The following PRCP variants were observed in gnomAD, a reference collection of about 807,000 sequenced individuals.
PRCP encodes lysosomal Pro-X carboxypeptidase.
A neutral mutation model predicts 54.2 loss-of-function variants in PRCP; 46 were observed. The ratio of observed to expected loss-of-function variants is 0.85; its 90% CI spans 0.67 to 1.09. The LOEUF (loss-of-function observed/expected upper bound fraction) is 1.09. PRCP is among the 50% of genes least tolerant of loss of function. The probability of loss-of-function intolerance (pLI) is 0.00; values close to 1 mark genes in which losing one functional copy is unlikely to be tolerated. For missense variants in PRCP, 613 were observed against 596.8 expected (o/e 1.03, Z -0.28); for synonymous variants, 240 against 212.2 (o/e 1.13, Z -1.14).
intron 1 of PRCP, among the ~76,000 whole-genome samples, chr11:82,864,257 G>A (rs969409185): frequency 1.3e-5 from 2 of 152,186 alleles, no homozygotes; most frequent in African/African-American, 2.4e-5. Flanking sequence ...GTAGTGAAAT[G>A]TTCTTTGCAC....
chr11:82,887,813 G>A (rs574394632), intron 1 of PRCP, among the ~76,000 whole-genome samples: 1 of 152,182 alleles, frequency 6.6e-6, no homozygotes, highest in Non-Finnish European at 1.5e-5. Flanking sequence ...TTGATCTTAA[G>A]ACCGTCATTC....
chr11:82,893,623 C>T (rs998100970), intron 1 of PRCP, among the ~76,000 whole-genome samples: 46 of 152,046 alleles, frequency 3.0e-4, no homozygotes, highest in African/African-American at 1.1e-3. Context: ...GAGATCCCAT[C>T]TCTACAAAAA....
At chr11:82,874,202 T>A (rs2121219086) in intron 1 of PRCP, among the ~76,000 whole-genome samples, 1 of 152,322 alleles carries the variant, frequency 6.6e-6, no homozygotes, top group Non-Finnish European at 1.5e-5. Context: ...CGACACCAGA[T>A]AATCAACAAC....
chr11:82,871,177 CTTTTTTTTT>C (rs146234682), intron 1 of PRCP, among the ~76,000 whole-genome samples: 2 of 117,410 alleles, frequency 1.7e-5, no homozygotes, highest in African/African-American at 3.1e-5. Flanking sequence ...AAATGTTTCT[CTTTTTTTTT>C]TTTTTTTTTT....
At chr11:82,871,350 T>C (rs1328851935) in intron 1 of PRCP, among the ~76,000 whole-genome samples, 1 of 152,146 alleles carries the variant, frequency 6.6e-6, no homozygotes, top group Middle Eastern at 3.2e-3. Flanking sequence ...TGCTACTTTT[T>C]GTATTTTTAG....
At chr11:82,848,009 C>A (rs1361493039) in intron 6 of PRCP, among the ~76,000 whole-genome samples, 6 of 152,198 alleles carry the variant, frequency 3.9e-5, no homozygotes, top group Non-Finnish European at 8.8e-5. Flanking sequence ...ATGCAATACA[C>A]TCACTGGTCA....
chr11:82,893,852 C>T (rs1175513358), intron 1 of PRCP, among the ~76,000 whole-genome samples: 2 of 152,066 alleles, frequency 1.3e-5, no homozygotes, highest in Non-Finnish European at 1.5e-5. Flanking sequence ...TAGCATCTAC[C>T]TCATAGAACA....
At chr11:82,835,850 G>A in intron 8 of PRCP, 1 of 497,864 alleles carries the variant, frequency 2.0e-6, no homozygotes, top group South Asian at 1.5e-5. Context: ...CATTATGCTT[G>A]GCAATAAAAA....
At chr11:82,890,058 C>T (rs909597917) in intron 1 of PRCP, among the ~76,000 whole-genome samples, 1 of 151,922 alleles carries the variant, frequency 6.6e-6, no homozygotes, top group South Asian at 2.1e-4. Context: ...TTTGTTCTCA[C>T]TTGGCAAAAG....
At chr11:82,842,846 T>C (rs528449800) in intron 6 of PRCP, among the ~76,000 whole-genome samples, 35 of 152,212 alleles carry the variant, frequency 2.3e-4, no homozygotes, top group Non-Finnish European at 3.5e-4. Context: ...CCTTTCTAAC[T>C]CAAAGATTTT....
chr11:82,896,210 G>A (rs1458700610), intron 1 of PRCP, among the ~76,000 whole-genome samples: 3 of 152,104 alleles, frequency 2.0e-5, no homozygotes, highest in Non-Finnish European at 4.4e-5. Context: ...CAACAACCTT[G>A]GTGGATGTGA....
chr11:82,847,612 C>T (rs1858838277), intron 6 of PRCP, among the ~76,000 whole-genome samples: 1 of 151,982 alleles, frequency 6.6e-6, no homozygotes, highest in South Asian at 2.1e-4. Context: ...CTTTTCTTTA[C>T]TTTTCTTTTT....
intron 1 of PRCP, among the ~76,000 whole-genome samples, chr11:82,879,117 CT>C (rs1347644696): frequency 1.3e-5 from 2 of 152,196 alleles, no homozygotes; most frequent in Non-Finnish European, 2.9e-5. Context: ...GGATAATATC[CT>C]GCAGAGTGTT....
intron 1 of PRCP, among the ~76,000 whole-genome samples, chr11:82,869,275 G>A (rs1859419930): frequency 6.7e-6 from 1 of 149,778 alleles, no homozygotes; most frequent in African/African-American, 2.5e-5. Flanking sequence ...AGGATCCCTT[G>A]AGCCCAGAAG....
intron 1 of PRCP, among the ~76,000 whole-genome samples, chr11:82,865,156 T>C (rs1001069318): frequency 2.0e-5 from 3 of 152,174 alleles, no homozygotes; most frequent in African/African-American, 7.2e-5. Context: ...CCCAAGGTAA[T>C]GTAACTAATA....
In PRCP at chr11:82,859,948, G is replaced by A. The variant is rs201240884; in HGVS notation, c.309+29C>T. ...GTTATCATAATAAAAGTCAAATTGA[G>A]CACTGGAATTTCATGAATCTGCACA... is the stretch of plus-strand genomic sequence containing the variant. On this transcript the variant is annotated intron_variant, in intron 2 of 8. Coordinates refer to ENST00000313010, the MANE Select transcript of PRCP (RefSeq NM_005040.4). The A allele has an allele frequency of 5.1e-4, 775 of 1,526,482 alleles. 8 individuals carry two copies. The African/African-American group carries it at 9.6e-3, about 19-fold the overall frequency. 94.6% of individuals were successfully genotyped at this position (1,526,482 alleles called of 1,614,324 possible). A position where few individuals can be genotyped will look rare whatever the true frequency, so the allele number is the denominator to read the frequency against.
chr11:82,850,690 A>C (rs994314859), intron 3 of PRCP, among the ~76,000 whole-genome samples, 185 bp from the exon 4 acceptor site: 1 of 152,250 alleles, frequency 6.6e-6, no homozygotes, highest in African/African-American at 2.4e-5. Context: ...AAATGATTTT[A>C]AGTTTGTGGA....
At chr11:82,855,668 C>A (rs2121162054) in intron 2 of PRCP, among the ~76,000 whole-genome samples, 1 of 151,998 alleles carries the variant, frequency 6.6e-6, no homozygotes, top group Middle Eastern at 3.4e-3. Context: ...CAAGAAAAAA[C>A]AACCCCATTA....
chr11:82,866,612 T>C (rs900472446), intron 1 of PRCP, among the ~76,000 whole-genome samples: 3 of 152,174 alleles, frequency 2.0e-5, no homozygotes, highest in African/African-American at 4.8e-5. Context: ...GAGTCCATCA[T>C]GGGGAAAATT....
Sources: gnomAD v4.1 joint callset for allele counts (sites outside exome capture counted in the v4.1 genomes callset) on GRCh38, gnomAD v4.1.1 for gene constraint, MANE v1.5 for transcripts, NCBI Gene and HGNC (gene_info 2026-07-23, HGNC 2026-07-21) for gene names.